The following PIH1D2 variants were observed in gnomAD, a reference collection of about 807,000 sequenced individuals.
The protein encoded by PIH1D2 is PIH1 domain containing 2.
In PIH1D2, 25 loss-of-function variants were observed where a neutral mutation model predicts 31.2. That is an observed-to-expected ratio of 0.80 (90% CI 0.58 to 1.12). The LOEUF (loss-of-function observed/expected upper bound fraction) is 1.12, where lower values mean the gene tolerates loss of function less well. PIH1D2 is among the 50% of genes most tolerant of loss of function. The pLI, the probability that PIH1D2 is intolerant of heterozygous loss-of-function variation, is 0.00. For synonymous variants in PIH1D2, 116 were observed against 119.9 expected (o/e 0.97, Z 0.21); for missense variants, 310 against 356.6 (o/e 0.87, Z 1.05).
chr11:112,060,937 C>A, downstream of PIH1D2: 2 of 1,057,644 alleles, frequency 1.9e-6, no homozygotes, highest in Non-Finnish European at 2.8e-6. Context: ...TTTCTTAAGA[C>A]CTTGCACCTT....
chr11:112,058,272 A>G (rs1400239972), downstream of PIH1D2, among the ~76,000 whole-genome samples: 1 of 152,220 alleles, frequency 6.6e-6, no homozygotes, highest in Admixed American at 6.5e-5. Context: ...TAATTTATTC[A>G]AGAAAGCAGT....
chr11:112,059,870 T>G (rs1354201274), downstream of PIH1D2: 7 of 1,519,038 alleles, frequency 4.6e-6, no homozygotes, highest in Non-Finnish European at 6.2e-6. Context: ...TAATAAACAG[T>G]TTTTTATTAT....
At chr11:112,063,166 TC>T (rs1440248727), downstream of PIH1D2, 1 of 152,430 alleles carries the variant, frequency 6.6e-6, no homozygotes, top group Non-Finnish European at 1.5e-5. Context: ...ACATGGTTAT[TC>T]CCCCCTACTT....
At chr11:112,052,927 A>G in the PIH1D2 span, among the ~76,000 whole-genome samples, 2 of 152,240 alleles carry the variant, frequency 1.3e-5, no homozygotes, top group East Asian at 3.9e-4. Context: ...TAAATAACAA[A>G]ACATACTCCT....
downstream of PIH1D2, among the ~76,000 whole-genome samples, chr11:112,064,606 C>T (rs1269873834): frequency 2.0e-5 from 3 of 152,108 alleles, no homozygotes; most frequent in Non-Finnish European, 4.4e-5. Context: ...CACTTATTAT[C>T]AAGATGGAAA....
chr11:112,061,154 C>T (rs1555183227), downstream of PIH1D2: 2 of 1,614,032 alleles, frequency 1.2e-6, no homozygotes, highest in Non-Finnish European at 1.7e-6. Flanking sequence ...ATAAACTGGT[C>T]CCTGCAGATA....
chr11:112,071,569 A>C (rs1555184630), intron 3 of PIH1D2, 66 bp downstream of exon 3: 5 of 1,534,464 alleles, frequency 3.3e-6, no homozygotes, highest in Non-Finnish European at 3.6e-6. Flanking sequence ...AATGCTCTCA[A>C]CCAAGTAAGA....
rs138123199 is a variant in PIH1D2 at position 112,071,726 on chromosome 11, C to T, written c.210G>A (p.Leu70=). Residue 70 remains leucine (L), a synonymous_variant, in exon 3 of 6, where the codon CTG becomes CTA. Transcript: ENST00000280350. ...KPKEKILFIN[L]CQWTRIPAPQ... ...GAGCTGGGATCCTTGTCCACTGACA[C>T]AGGTTGATAAAAAGTATTTTTTCTT... 5.7e-5 allele frequency: 92 copies of T among 1,614,000 alleles called. No individual in the cohort carries two copies. The African/African-American group carries it at 1.1e-3, about 20-fold the overall frequency.
chr11:112,062,005 T>C (rs1435370634), downstream of PIH1D2, among the ~76,000 whole-genome samples: 1 of 152,216 alleles, frequency 6.6e-6, no homozygotes, highest in Non-Finnish European at 1.5e-5. Flanking sequence ...TTAGTCCTAT[T>C]TGAGGTGGAA....
At chr11:112,071,538 C>G in intron 3 of PIH1D2, 97 bp downstream of exon 3, 1 of 1,432,866 alleles carries the variant, frequency 7.0e-7, no homozygotes, top group East Asian at 2.3e-5. Context: ...ATATTATCAA[C>G]AAATAAAGAG....
rs1347731222 is a variant in PIH1D2, at chr11:112,073,166, T to C, written c.9A>G (p.Thr3=). 4 of 1,611,742 alleles carry C rather than the reference T, an allele frequency of 2.5e-6. No individual in the cohort carries two copies. Among genetic ancestry groups the C allele is most frequent in the Non-Finnish European group, 3.4e-6 (4 of 1,178,464 alleles). ...CTTGGGTAAGCAGACCTTTTGAGGA[T>C]GTCTCCATGACTTATGAGTGGTGAA... ME[T]SSKGLLTQVT... The change falls in exon 2 of 6, where the codon ACA becomes ACG. Residue 3 remains threonine, a synonymous_variant. Transcript: ENST00000280350.
At chr11:112,069,442 A>G (rs1177457485) in intron 5 of PIH1D2, among the ~76,000 whole-genome samples, 1 of 152,170 alleles carries the variant, frequency 6.6e-6, no homozygotes, top group African/African-American at 2.4e-5. Context: ...CACTGACTGG[A>G]ATCAAAATGC....
Position 112,071,673 on chromosome 11 carries a change from A to C in PIH1D2, c.263T>G (p.Leu88Arg). 2 of 1,613,678 alleles carry C rather than the reference A, an allele frequency of 1.2e-6. No individual in the cohort carries two copies. The highest frequency in any genetic ancestry group is 1.7e-6 in the Non-Finnish European group (2 of 1,179,550). The change falls in exon 3 of 6, where the codon CTA (leucine) becomes CGA (arginine). Residue 88 changes from leucine to arginine, a missense_variant. By Grantham distance (102) the Leu-to-Arg change is moderately radical. Coordinates refer to ENST00000280350, the MANE Select transcript of PIH1D2 (RefSeq NM_138789.4). ...TGTATCTTCTGGTTTGCCAACAGTT[A>C]GAGGTACTGGATGAGTGGTTGATTG... ...APQSTTHPVP[L>R]TVGKPEDTTE...
intron 2 of PIH1D2, among the ~76,000 whole-genome samples, chr11:112,072,008 G>A (rs146105904): frequency 0.011 from 1,604 of 152,072 alleles, 24 homozygotes; most frequent in African/African-American, 0.036. Context: ...CAGGAGAATC[G>A]CTTGAACCCA....
chr11:112,070,553 C>T lies in PIH1D2; in HGVS notation c.696G>A (p.Met232Ile). ...GCACAATTTTTAGTTCATAGGCTGG[C>T]ATCTTCATCTCCACCTGGATTTCAG... is the stretch of plus-strand genomic sequence containing the variant. ...SSTEIQVEMK[M>I]PAYELKIVHD... Residue 232 changes from methionine to isoleucine, a missense_variant, in exon 5 of 6, where the codon ATG becomes ATA. Physicochemically the swap from Met to Ile is conservative, Grantham distance 10 (BLOSUM62 1). Coordinates refer to ENST00000280350, the MANE Select transcript of PIH1D2 (RefSeq NM_138789.4). 1.2e-6 allele frequency: 2 copies of T among 1,614,160 alleles called. No homozygotes were observed. Among genetic ancestry groups the T allele is most frequent in the Non-Finnish European group, 1.7e-6 (2 of 1,180,024 alleles).
chr11:112,058,439 T>A (rs1439563565), downstream of PIH1D2, among the ~76,000 whole-genome samples: 1 of 152,138 alleles, frequency 6.6e-6, no homozygotes, highest in South Asian at 2.1e-4. Context: ...CTGATCTTTT[T>A]GGAGCTTGTG....
chr11:112,067,117 A>G (rs149112925), downstream of PIH1D2, among the ~76,000 whole-genome samples: 460 of 152,268 alleles, frequency 3.0e-3, 2 homozygotes, highest in African/African-American at 0.011. Flanking sequence ...CTGTATTTTT[A>G]TTGTTGGAGG....
At chr11:112,060,118 T>G (rs1286911021), downstream of PIH1D2, 1 of 1,489,338 alleles carries the variant, frequency 6.7e-7, no homozygotes, top group African/African-American at 1.4e-5. Context: ...GTTTGCATAA[T>G]GCATTTATTG....
chr11:112,067,685 A>AAAATATATATATATAT, downstream of PIH1D2: 2 of 17,808 alleles, frequency 1.1e-4, no homozygotes, highest in African/African-American at 3.5e-4. Flanking sequence ...AAAAAAAAAA[A>AAAATATATATATATAT]ATATATATAT....
Sources: gnomAD v4.1 joint callset for allele counts (sites outside exome capture counted in the v4.1 genomes callset) on GRCh38, gnomAD v4.1.1 for gene constraint, MANE v1.5 for transcripts, NCBI Gene and HGNC (gene_info 2026-07-23, HGNC 2026-07-21) for gene names.